DPP6: variants seen among roughly 807,000 people sequenced by gnomAD.
DPP6 encodes the protein dipeptidyl peptidase like 6.
A neutral mutation model predicts 122.6 loss-of-function variants in DPP6; 69 were observed. The ratio of observed to expected loss-of-function variants is 0.56; its 90% CI spans 0.46 to 0.69. The LOEUF is 0.69. Among genes scored for constraint, DPP6 ranks in the 30% least tolerant of loss-of-function variants. DPP6 has a pLI of 0.00. For synonymous variants in DPP6, 418 were observed against 433.1 expected (o/e 0.97, Z 0.43); for missense variants, 928 against 1,116.9 (o/e 0.83, Z 2.41).
chr7:154,533,282 T>C (rs1394576254), intron 3 of DPP6, among the ~76,000 whole-genome samples: 1 of 152,192 alleles, frequency 6.6e-6, no homozygotes, highest in Non-Finnish European at 1.5e-5. Flanking sequence ...ACCCTGATGG[T>C]GAATGAGAAA....
chr7:154,761,492 T>C (rs940921699), intron 8 of DPP6, among the ~76,000 whole-genome samples: 4 of 139,886 alleles, frequency 2.9e-5, no homozygotes, highest in Non-Finnish European at 6.7e-5. Context: ...GATAAAGAAA[T>C]CCCCGAGACT....
intron 1 of DPP6, among the ~76,000 whole-genome samples, chr7:154,389,428 T>C (rs1814417691): frequency 6.9e-6 from 1 of 144,342 alleles, no homozygotes; most frequent in African/African-American, 2.4e-5. Context: ...CAAGTGCTTC[T>C]GATTTCAAGA....
At chr7:154,865,127 T>C (rs3778736) in intron 17 of DPP6, among the ~76,000 whole-genome samples, 42,739 of 152,124 alleles carry the variant, frequency 0.28, 7,872 homozygotes, top group East Asian at 0.54. Context: ...CTCTTGCCAC[T>C]AGCAGACCCC....
At chr7:153,838,897 AGG>A in the DPP6 span, among the ~76,000 whole-genome samples, 1 of 140,682 alleles carries the variant, frequency 7.1e-6, no homozygotes, top group South Asian at 3.0e-4. Flanking sequence ...TTGAAAAATT[AGG>A]AGCATTCCTG....
intron 5 of DPP6, among the ~76,000 whole-genome samples, chr7:154,567,930 C>G (rs1830863716): frequency 6.6e-6 from 1 of 152,222 alleles, no homozygotes; most frequent in African/African-American, 2.4e-5. Context: ...AACTGGATTA[C>G]TGGAGATTTC....
chr7:153,871,285 G>C, the DPP6 span, among the ~76,000 whole-genome samples: 3 of 152,360 alleles, frequency 2.0e-5, no homozygotes, highest in East Asian at 1.9e-4. Context: ...TCCTTGAGCT[G>C]TGGTGGGCTC....
At chr7:154,679,772 C>T (rs1839171428) in intron 7 of DPP6, among the ~76,000 whole-genome samples, 4 of 152,170 alleles carry the variant, frequency 2.6e-5, no homozygotes, top group Admixed American at 1.3e-4. Context: ...TCATCATGGG[C>T]ACTGAGGTCT....
chr7:153,977,787 A>G (rs556860999), intron 1 of DPP6, among the ~76,000 whole-genome samples: 1 of 151,588 alleles, frequency 6.6e-6, no homozygotes, highest in African/African-American at 2.4e-5. Flanking sequence ...ACTCCCACCT[A>G]TGAGTGAGAA....
At chr7:154,447,996 C>T (rs1485821510) in intron 2 of DPP6, among the ~76,000 whole-genome samples, 2 of 152,152 alleles carry the variant, frequency 1.3e-5, no homozygotes, top group Admixed American at 6.5e-5. Context: ...ATCAGTCCGC[C>T]TAAGACCAGG....
At chr7:154,206,874 C>T (rs912083394) in intron 1 of DPP6, among the ~76,000 whole-genome samples, 3 of 152,126 alleles carry the variant, frequency 2.0e-5, no homozygotes, top group East Asian at 1.9e-4. Context: ...TTTTTAAATG[C>T]GTATGGGGTC....
chr7:154,086,517 C>T (rs1804433308), intron 1 of DPP6, among the ~76,000 whole-genome samples: 1 of 150,350 alleles, frequency 6.7e-6, no homozygotes, highest in South Asian at 2.1e-4. Flanking sequence ...CCATCTGCTG[C>T]CCTACACGAT....
intron 16 of DPP6, among the ~76,000 whole-genome samples, chr7:154,836,405 T>A (rs1448406542): frequency 1.3e-5 from 2 of 152,266 alleles, no homozygotes; most frequent in Non-Finnish European, 2.9e-5. Flanking sequence ...GTTTGGAGGC[T>A]GGTGTTTTTG....
At chr7:154,555,454 C>G (rs531368318) in intron 4 of DPP6, among the ~76,000 whole-genome samples, 2 of 151,590 alleles carry the variant, frequency 1.3e-5, no homozygotes, top group Non-Finnish European at 2.9e-5. Context: ...CATCACACAC[C>G]GGCGACTGTT....
At chr7:154,844,569 G>A (rs1034305159) in intron 16 of DPP6, among the ~76,000 whole-genome samples, 3 of 152,184 alleles carry the variant, frequency 2.0e-5, no homozygotes, top group Non-Finnish European at 2.9e-5. Flanking sequence ...TGAATTATTT[G>A]CCAGTTTTCA....
intron 1 of DPP6, among the ~76,000 whole-genome samples, chr7:154,371,401 A>AAAAAAAAAAAAAAAAAG (rs1554529695): frequency 8.3e-6 from 1 of 120,616 alleles, no homozygotes; most frequent in African/African-American, 4.4e-5. Flanking sequence ...AAAAAAAAAA[A>AAAAAAAAAAAAAAAAAG]AAAGAAAGAA....
At chr7:154,764,724 T>C (rs1795795197) in intron 8 of DPP6, among the ~76,000 whole-genome samples, 1 of 152,156 alleles carries the variant, frequency 6.6e-6, no homozygotes, top group African/African-American at 2.4e-5. Flanking sequence ...TTTCCCCGAG[T>C]TGCAAGTTGC....
chr7:154,030,052 C>G (rs961471592), intron 1 of DPP6, among the ~76,000 whole-genome samples: 1 of 151,884 alleles, frequency 6.6e-6, no homozygotes, highest in Non-Finnish European at 1.5e-5. Flanking sequence ...AAGAATTAGC[C>G]AGGCGTGGCG....
intron 1 of DPP6, among the ~76,000 whole-genome samples, chr7:154,295,620 T>C (rs947051261): frequency 2.0e-5 from 3 of 151,904 alleles, no homozygotes; most frequent in Admixed American, 1.3e-4. Flanking sequence ...ACTTTCTTCC[T>C]CCTTCCTTCA....
chr7:154,333,085 G>A (rs758313743), intron 1 of DPP6, among the ~76,000 whole-genome samples: 24 of 152,140 alleles, frequency 1.6e-4, no homozygotes, highest in Non-Finnish European at 2.9e-4. Flanking sequence ...CCTCCACGTC[G>A]TGATAGCAAA....
Sources: allele counts gnomAD v4.1 joint callset (sites outside exome capture counted in the v4.1 genomes callset), GRCh38; gene constraint gnomAD v4.1.1; transcripts MANE v1.5; gene names NCBI Gene and HGNC (gene_info 2026-07-23, HGNC 2026-07-21).